The following AFG2A variants were observed in gnomAD, a reference collection of about 807,000 sequenced individuals.
AFG2A encodes the protein AAA ATPase AFG2A, also known as ATPase family gene 2 protein homolog A.
the AFG2A span, among the ~76,000 whole-genome samples, chr4:123,098,276 A>G: frequency 6.6e-6 from 1 of 152,032 alleles, no homozygotes; most frequent in Non-Finnish European, 1.5e-5. Context: ...TTTATAGAGT[A>G]CAACATGTTG....
chr4:123,024,507 C>T, the AFG2A span, among the ~76,000 whole-genome samples: 69 of 152,286 alleles, frequency 4.5e-4, no homozygotes, highest in Middle Eastern at 3.4e-3. Flanking sequence ...AGTTCCTCCT[C>T]GGAGTCTGAG....
chr4:122,967,609 A>G, the AFG2A span, among the ~76,000 whole-genome samples: 1 of 152,188 alleles, frequency 6.6e-6, no homozygotes, highest in Non-Finnish European at 1.5e-5. Context: ...GCTTATAAAT[A>G]TGTCCTGCAA....
the AFG2A span, among the ~76,000 whole-genome samples, chr4:123,245,302 T>C: frequency 1.3e-5 from 2 of 152,200 alleles, no homozygotes; most frequent in Non-Finnish European, 2.9e-5. Context: ...TTTATATATT[T>C]TTAAATATCT....
At chr4:123,025,153 T>TAACAGCTGTTA in the AFG2A span, among the ~76,000 whole-genome samples, 2 of 152,338 alleles carry the variant, frequency 1.3e-5, no homozygotes, top group African/African-American at 4.8e-5. Flanking sequence ...TATGGTCTGT[T>TAACAGCTGTTA]ACCGCTGTTA....
the AFG2A span, among the ~76,000 whole-genome samples, chr4:123,216,482 T>C: frequency 6.6e-6 from 1 of 152,144 alleles, no homozygotes; most frequent in African/African-American, 2.4e-5. Context: ...GAGAAACTAT[T>C]AAAATGGTGA....
the AFG2A span, among the ~76,000 whole-genome samples, chr4:123,221,783 C>T: frequency 6.6e-6 from 1 of 151,842 alleles, no homozygotes; most frequent in African/African-American, 2.4e-5. Context: ...AAAAATTAGA[C>T]AGGCATAGTG....
chr4:123,218,513 G>A, the AFG2A span, among the ~76,000 whole-genome samples: 1 of 152,140 alleles, frequency 6.6e-6, no homozygotes, highest in Admixed American at 6.6e-5. Flanking sequence ...TGGAGATGGT[G>A]TTGCTTATGT....
At chr4:123,082,765 AC>A in the AFG2A span, among the ~76,000 whole-genome samples, 1 of 152,026 alleles carries the variant, frequency 6.6e-6, no homozygotes, top group African/African-American at 2.4e-5. Flanking sequence ...AAAAGAATTG[AC>A]ATCTTAACAG....
chr4:123,028,010 T>C, the AFG2A span, among the ~76,000 whole-genome samples: 2 of 152,156 alleles, frequency 1.3e-5, no homozygotes, highest in African/African-American at 4.8e-5. Flanking sequence ...AGTTCACATT[T>C]TATGTACTCC....
At chr4:123,295,065 A>T in the AFG2A span, among the ~76,000 whole-genome samples, 1 of 152,178 alleles carries the variant, frequency 6.6e-6, no homozygotes, top group Non-Finnish European at 1.5e-5. Flanking sequence ...TAGTACCATG[A>T]CCAGCCCCAT....
At chr4:123,292,317 T>A in the AFG2A span, among the ~76,000 whole-genome samples, 1 of 152,186 alleles carries the variant, frequency 6.6e-6, no homozygotes, top group South Asian at 2.1e-4. Flanking sequence ...TTCTCTTGGA[T>A]CTCATCGAGC....
At chr4:123,244,596 G>A in the AFG2A span, among the ~76,000 whole-genome samples, 1 of 152,204 alleles carries the variant, frequency 6.6e-6, no homozygotes, top group African/African-American at 2.4e-5. Flanking sequence ...TAAGAATGAT[G>A]GAGAGGGAAA....
the AFG2A span, among the ~76,000 whole-genome samples, chr4:122,988,074 T>C: frequency 6.6e-6 from 1 of 152,116 alleles, no homozygotes; most frequent in South Asian, 2.1e-4. Context: ...AGTTTTTTTT[T>C]TTCCCTTTTT....
chr4:122,923,444 A>C, the AFG2A span: 1 of 1,141,574 alleles, frequency 8.8e-7, no homozygotes, highest in Admixed American at 2.5e-5. Flanking sequence ...AGAAGCGTGT[A>C]AGACTTCTGT....
At chr4:123,280,985 A>AT in the AFG2A span, among the ~76,000 whole-genome samples, 2 of 152,022 alleles carry the variant, frequency 1.3e-5, no homozygotes, top group Non-Finnish European at 2.9e-5. Flanking sequence ...ATTTTCAGAT[A>AT]TTACCATTTT....
chr4:123,201,400 A>G, the AFG2A span, among the ~76,000 whole-genome samples: 3 of 152,208 alleles, frequency 2.0e-5, no homozygotes, highest in South Asian at 2.1e-4. Flanking sequence ...AAAAACACCA[A>G]TCACTAGATG....
At chr4:123,268,035 C>G in the AFG2A span, among the ~76,000 whole-genome samples, 1 of 151,934 alleles carries the variant, frequency 6.6e-6, no homozygotes, top group Non-Finnish European at 1.5e-5. Flanking sequence ...GTTAGACAAT[C>G]AATATATAAT....
At chr4:123,057,119 T>G in the AFG2A span, 1 of 1,346,184 alleles carries the variant, frequency 7.4e-7, no homozygotes. Flanking sequence ...ACCTAATAGG[T>G]TTGGTTCTAA....
the AFG2A span, among the ~76,000 whole-genome samples, chr4:122,965,247 A>T: frequency 6.6e-6 from 1 of 152,212 alleles, no homozygotes; most frequent in South Asian, 2.1e-4. Flanking sequence ...CTTAATTGTG[A>T]TCTCAAAAAT....
Sources: gnomAD v4.1 joint callset for allele counts (sites outside exome capture counted in the v4.1 genomes callset) on GRCh38, gnomAD v4.1.1 for gene constraint, MANE v1.5 for transcripts, NCBI Gene and HGNC (gene_info 2026-07-23, HGNC 2026-07-21) for gene names.